The following MYO7A variants were observed in gnomAD, a reference collection of about 807,000 sequenced individuals.
The protein encoded by MYO7A is unconventional myosin-VIIa.
MYO7A carries 210 observed loss-of-function variants against 263.8 expected under a neutral mutation model. The ratio of observed to expected loss-of-function variants is 0.80; its 90% confidence interval spans 0.71 to 0.89. The LOEUF (loss-of-function observed/expected upper bound fraction) is 0.89, where lower values mean the gene tolerates loss of function less well. MYO7A is among the 40% of genes least tolerant of loss of function. MYO7A has a pLI of 0.00. For missense variants in MYO7A, 2,820 were observed against 2,968.3 expected (o/e 0.95, Z 1.16); for synonymous variants, 1,239 against 1,197.3 (o/e 1.03, Z -0.72).
rs867698021 is a variant in MYO7A, at chr11:77,193,118, G to C, written c.4152+840G>C. Reference sequence around the variant, plus strand: ...TGGAGGTAGTGATGCTGTTGGTGATGGTGGAGGTAGCGATGCTGTTGGTGA... The same window carrying C: ...TGGAGGTAGTGATGCTGTTGGTGATCGTGGAGGTAGCGATGCTGTTGGTGA... On this transcript the variant is annotated intron_variant, in intron 31 of 48. Coordinates refer to ENST00000409709, the MANE Select transcript of MYO7A (RefSeq NM_000260.4). Among the ~76,000 whole-genome samples, 34 of 137,016 alleles carry C rather than the reference G, an allele frequency of 2.5e-4. 5 individuals carry two copies. Among genetic ancestry groups the C allele is most frequent in the Non-Finnish European group, 2.7e-4 (17 of 64,000 alleles). 89.9% of individuals were successfully genotyped at this position (137,016 alleles called of 152,430 possible).
Position 77,214,626 on chromosome 11 carries a change from T to C in MYO7A, c.6578T>C (p.Leu2193Pro). The C allele has an allele frequency of 6.3e-7, 1 of 1,584,880 alleles. No individual in the cohort carries two copies. The highest frequency in any genetic ancestry group is 8.6e-7 in the Non-Finnish European group (1 of 1,165,752). Residue 2193 changes from leucine to proline, a missense_variant, in exon 49 of 49, where the codon CTC becomes CCC. Transcript: ENST00000409709. ...TTCCAGGGCTACAAGATGGATGACC[T>C]CCTGACTTCCTACATTAGCCAGATG... ...ETSLGYKMDD[L>P]LTSYISQMLT...
chr11:77,176,465 G>A (rs1372276038), intron 18 of MYO7A, among the ~76,000 whole-genome samples: 3 of 152,180 alleles, frequency 2.0e-5, no homozygotes, highest in African/African-American at 7.2e-5. Flanking sequence ...GGCTCAGAGA[G>A]AAGTGAGTTG....
At chr11:77,190,600 G>A in intron 29 of MYO7A, 97 bp from the exon 30 acceptor site, 1 of 1,368,670 alleles carries the variant, frequency 7.3e-7, no homozygotes, top group East Asian at 2.5e-5. Flanking sequence ...GGGTGCTGGG[G>A]CACCTCCAAC....
At position 77,157,011 on chromosome 11, in the gene MYO7A, C is replaced by CTGAG. The variant is rs1555063317; in HGVS notation, c.735+8_735+11dup. 6.8e-6 allele frequency: 11 copies of CTGAG among 1,611,604 alleles called. No homozygotes were observed. Among genetic ancestry groups the CTGAG allele is most frequent in the Non-Finnish European group, 8.5e-6 (10 of 1,178,970 alleles). On this transcript the variant is annotated splice_region_variant and intron_variant, in intron 7 of 48. Transcript: ENST00000409709. ...GTCACGTGTCTGTCGCCAGGTGGGC[C>CTGAG]TGAGCCCCAGGGATGCAGGAATAGA... is the stretch of plus-strand genomic sequence containing the variant.
intron 27 of MYO7A, among the ~76,000 whole-genome samples, chr11:77,189,054 C>T (rs1211490340): frequency 2.6e-5 from 4 of 152,174 alleles, no homozygotes; most frequent in Non-Finnish European, 4.4e-5. Flanking sequence ...GCTGTGGCTG[C>T]GGCTGCTGAG....
In MYO7A at chr11:77,180,362, C is replaced by G; in HGVS notation, c.2587-12C>G. 6.2e-7 allele frequency: 1 copy of G among 1,609,852 alleles called. No homozygotes were observed. The highest frequency in any genetic ancestry group is 8.5e-7 in the Non-Finnish European group (1 of 1,178,194). On this transcript the variant is annotated splice_polypyrimidine_tract_variant and intron_variant, in intron 21 of 48. Coordinates refer to ENST00000409709, the MANE Select transcript of MYO7A (RefSeq NM_000260.4). Reference sequence around the variant, plus strand: ...CACATTTCCATGCCCTCTGGATGCCCCCTTCCCTCAGTATCTGTGGCGCCT... The same window carrying G: ...CACATTTCCATGCCCTCTGGATGCCGCCTTCCCTCAGTATCTGTGGCGCCT...
intron 42 of MYO7A, 22 bp from the exon 43 acceptor site, chr11:77,208,408 G>A (rs1223269143): frequency 1.9e-6 from 3 of 1,574,828 alleles, no homozygotes; most frequent in Non-Finnish European, 2.6e-6. Context: ...AACTGAGTGT[G>A]CTTCGATGGC....
At chr11:77,165,908 T>C in intron 14 of MYO7A, 148 bp from the exon 15 acceptor site, 1 of 595,464 alleles carries the variant, frequency 1.7e-6, no homozygotes, top group Non-Finnish European at 3.0e-6. Context: ...TGGGCAAGTC[T>C]CTGTCCCCTC....
At chr11:77,200,740 T>C (rs1957008689) in intron 35 of MYO7A, among the ~76,000 whole-genome samples, 1 of 152,252 alleles carries the variant, frequency 6.6e-6, no homozygotes, top group African/African-American at 2.4e-5. Flanking sequence ...CTCTTCTCCC[T>C]CCCTTCTTCT....
In MYO7A at chr11:77,197,900, A is replaced by C. The variant is rs111747583; in HGVS notation, c.4441+302A>C. On this transcript the variant is annotated intron_variant, in intron 33 of 48. Transcript: ENST00000409709. ...GCTGCTGAGTGGGTCCTGCCTCCCCAACACCCGGTAGCGACTCCATGGCAC... is the reference window on the plus strand; with the variant it reads ...GCTGCTGAGTGGGTCCTGCCTCCCCCACACCCGGTAGCGACTCCATGGCAC... Among the ~76,000 whole-genome samples, 8,296 of 152,080 alleles carry C rather than the reference A, an allele frequency of 0.055. 575 individuals carry two copies. The highest frequency in any genetic ancestry group is 0.17 in the African/African-American group (6,860 of 41,462).
Position 77,192,174 on chromosome 11 carries a change from G to T in MYO7A, c.4048G>T (p.Val1350Phe). Residue 1350 changes from valine (V) to phenylalanine (F), a missense_variant, in exon 31 of 49, where the codon GTC becomes TTC. Transcript: ENST00000409709. Reference protein sequence around the residue: ...APWRLFFRKEVFTPWHSPSED... With the variant: ...APWRLFFRKEFFTPWHSPSED... ...CTGGAGGCTCTTCTTCCGCAAAGAGGTCTTCACGCCCTGGCACAGCCCCTC... is the reference window on the plus strand; with the variant it reads ...CTGGAGGCTCTTCTTCCGCAAAGAGTTCTTCACGCCCTGGCACAGCCCCTC... The T allele has an allele frequency of 1.2e-6, 2 of 1,614,042 alleles. No individual in the cohort carries two copies. Among genetic ancestry groups the T allele is most frequent in the Non-Finnish European group, 1.7e-6 (2 of 1,179,906 alleles).
chr11:77,175,242 C>A, intron 17 of MYO7A, 130 bp from the exon 18 acceptor site: 1 of 823,818 alleles, frequency 1.2e-6, no homozygotes, highest in Non-Finnish European at 1.9e-6. Context: ...AGGCAGGACC[C>A]AGCTGAGGTC....
chr11:77,157,861 C>T (rs1304133198), intron 8 of MYO7A, among the ~76,000 whole-genome samples: 1 of 152,176 alleles, frequency 6.6e-6, no homozygotes, highest in African/African-American at 2.4e-5. Context: ...TGAAACCCTG[C>T]TCGTATGCAG....
chr11:77,206,055 G>A, intron 40 of MYO7A, 42 bp from the exon 41 acceptor site: 1 of 1,493,324 alleles, frequency 6.7e-7, no homozygotes, highest in Non-Finnish European at 9.2e-7. Flanking sequence ...GGTCTCCACA[G>A]TCCCACGCAC....
In MYO7A at chr11:77,177,566, G is replaced by C; in HGVS notation, c.2205G>C (p.Leu735=). The change falls in exon 19 of 49, where the codon CTG becomes CTC. Residue 735 remains leucine, a synonymous_variant. Coordinates refer to ENST00000409709, the MANE Select transcript of MYO7A (RefSeq NM_000260.4). ...KIFLKDHHDM[L]LEVERDKAIT... ...CCTCCTAGGACCACCATGACATGCT[G>C]CTGGAAGTGGAGCGGGACAAAGCCA... 6.2e-7 allele frequency: 1 copy of C among 1,611,402 alleles called. No homozygotes were observed. The highest frequency in any genetic ancestry group is 8.5e-7 in the Non-Finnish European group (1 of 1,179,118).
In MYO7A at chr11:77,175,414, C is replaced by T; in HGVS notation, c.2137C>T (p.Leu713=). ...TTGCCAGCGCATGGCTGAGGCTGTG[C>T]TGGGCACCCACGATGACTGGCAGAT... is the stretch of plus-strand genomic sequence containing the variant. The part of the protein sequence containing the change: ...GTCQRMAEAV[L]GTHDDWQIGK... Residue 713 remains leucine (L), a synonymous_variant, in exon 18 of 49, where the codon CTG becomes TTG. Transcript: ENST00000409709. 1 of 1,613,380 alleles carries T rather than the reference C, an allele frequency of 6.2e-7. No individual in the cohort carries two copies. Among genetic ancestry groups the T allele is most frequent in the Non-Finnish European group, 8.5e-7 (1 of 1,179,882 alleles).
chr11:77,183,199 G>A, intron 26 of MYO7A, 42 bp downstream of exon 26: 1 of 1,497,390 alleles, frequency 6.7e-7, no homozygotes, highest in Non-Finnish European at 9.1e-7. Flanking sequence ...AGGGGTGGCT[G>A]CCTTAGGTGG....
chr11:77,202,935 G>A, intron 37 of MYO7A, 125 bp from the exon 38 acceptor site: 1 of 1,225,578 alleles, frequency 8.2e-7, no homozygotes, highest in African/African-American at 1.5e-5. Flanking sequence ...GGAAGAGCAG[G>A]GCCTGGTGCC....
Position 77,147,938 on chromosome 11 carries a change from C to A in MYO7A, c.273C>A (p.Asp91Glu), listed in dbSNP as rs782509209. 1.3e-6 allele frequency: 2 copies of A among 1,553,886 alleles called. No homozygotes were observed. The highest frequency in any genetic ancestry group is 3.9e-5 in the Admixed American group (2 of 51,400). Residue 91 changes from aspartate to glutamate, a missense_variant, in exon 4 of 49, where the codon GAC (aspartate) becomes GAA (glutamate). Coordinates refer to ENST00000409709, the MANE Select transcript of MYO7A (RefSeq NM_000260.4). Reference protein sequence around the residue: ...ILRNLLIRYRDHLIYTYTGSI... With the variant: ...ILRNLLIRYREHLIYTYTGSI... ...GCAACCTGCTTATCCGCTACCGGGA[C>A]CACCTCATCTACGTGAGTGCCGCCC... is the stretch of plus-strand genomic sequence containing the variant.
Sources: gnomAD v4.1 joint callset for allele counts (sites outside exome capture counted in the v4.1 genomes callset) on GRCh38, gnomAD v4.1.1 for gene constraint, MANE v1.5 for transcripts, NCBI Gene and HGNC (gene_info 2026-07-23, HGNC 2026-07-21) for gene names.